The following FMN2 variants were observed in gnomAD, a reference collection of about 807,000 sequenced individuals.
FMN2 encodes formin 2.
Under a neutral mutation model 142.3 loss-of-function variants are expected in FMN2, and 51 were observed. The observed-to-expected ratio is 0.36, with a 90% confidence interval of 0.29 to 0.45. FMN2 has a LOEUF of 0.45. Ranked by LOEUF, FMN2 falls within the 20% of genes least tolerant of loss-of-function variation. The probability of loss-of-function intolerance (pLI) is 1.00; values close to 1 mark genes in which losing one functional copy is unlikely to be tolerated. For synonymous variants in FMN2, 882 were observed against 869.8 expected, an observed-to-expected ratio of 1.01 and a Z score of -0.25; for missense variants, 1,936 against 2,122.8, an observed-to-expected ratio of 0.91 and a Z score of 1.73.
intron 16 of FMN2, among the ~76,000 whole-genome samples, chr1:240,470,219 A>AC (rs1033537460): frequency 6.6e-6 from 1 of 151,874 alleles, no homozygotes. Flanking sequence ...AAAAAAAAAA[A>AC]AAAACAGTTT....
At chr1:240,397,029 C>T (rs1673802647) in intron 15 of FMN2, among the ~76,000 whole-genome samples, 1 of 152,194 alleles carries the variant, frequency 6.6e-6, no homozygotes. Context: ...TGAGAAATCT[C>T]CAAACTGCTT....
chr1:240,202,245 A>G (rs1666153458), intron 4 of FMN2, among the ~76,000 whole-genome samples: 1 of 152,166 alleles, frequency 6.6e-6, no homozygotes, highest in South Asian at 2.1e-4. Context: ...TCTACTTAAG[A>G]GATCTTTTTC....
At chr1:240,329,495 A>G (rs763337565) in intron 10 of FMN2, 27 bp downstream of exon 10, 6 of 1,606,650 alleles carry the variant, frequency 3.7e-6, no homozygotes, top group Non-Finnish European at 5.1e-6. Flanking sequence ...AGAGAGCTGA[A>G]CTTGAGTCTC....
intron 14 of FMN2, among the ~76,000 whole-genome samples, chr1:240,371,590 A>C (rs1040263172): frequency 6.6e-6 from 1 of 152,230 alleles, no homozygotes; most frequent in Non-Finnish European, 1.5e-5. Flanking sequence ...GTCCATTTGT[A>C]TAGTTACCTA....
chr1:240,094,281 A>G (rs930997692), intron 1 of FMN2, among the ~76,000 whole-genome samples: 4 of 152,192 alleles, frequency 2.6e-5, no homozygotes, highest in African/African-American at 9.7e-5. Context: ...TCCGCTGCTT[A>G]GTGAAGTTAA....
chr1:240,364,898 C>A (rs116444537), intron 14 of FMN2, among the ~76,000 whole-genome samples: 2,492 of 152,342 alleles, frequency 0.016, 60 homozygotes, highest in African/African-American at 0.056. Context: ...TGTTCTCTAA[C>A]ACTGTAAGTA....
intron 14 of FMN2, among the ~76,000 whole-genome samples, chr1:240,379,007 T>G (rs140862361): frequency 2.0e-5 from 3 of 152,372 alleles, no homozygotes; most frequent in Non-Finnish European, 4.4e-5. Flanking sequence ...AATTTTCTTA[T>G]TAAGTGCTAG....
chr1:240,246,064 C>T (rs2102876431), intron 6 of FMN2, among the ~76,000 whole-genome samples: 2 of 152,256 alleles, frequency 1.3e-5, no homozygotes, highest in South Asian at 4.1e-4. Context: ...CCTGTAGTCC[C>T]AGCTACTCGG....
intron 16 of FMN2, among the ~76,000 whole-genome samples, chr1:240,454,669 G>C (rs1315790081): frequency 6.6e-6 from 1 of 152,078 alleles, no homozygotes; most frequent in Non-Finnish European, 1.5e-5. Flanking sequence ...TACACATCTT[G>C]TTCTTCTTAG....
At position 240,392,338 on chromosome 1, in the gene FMN2, A is replaced by C. The variant is rs557194451; in HGVS notation, c.4859-173A>C. On this transcript the variant is annotated intron_variant, in intron 14 of 17. Coordinates refer to ENST00000319653, the MANE Select transcript of FMN2 (RefSeq NM_020066.5). ...AAGATCAACTTAATTAAAATTAAGT[A>C]GAATCATTTAAATCATGTATCTATG... Among the ~76,000 whole-genome samples, 10 of 152,306 alleles carry C rather than the reference A, an allele frequency of 6.6e-5. No individual in the cohort carries two copies. In the East Asian group the frequency reaches 1.3e-3, roughly 21 times the overall value.
At chr1:240,322,744 G>T (rs74151623) in intron 8 of FMN2, among the ~76,000 whole-genome samples, 1 of 152,152 alleles carries the variant, frequency 6.6e-6, no homozygotes, top group African/African-American at 2.4e-5. Context: ...GGAAAGCACT[G>T]TTGTTCCGTG....
At chr1:240,429,124 G>A (rs149266678) in intron 15 of FMN2, among the ~76,000 whole-genome samples, 1 of 152,190 alleles carries the variant, frequency 6.6e-6, no homozygotes, top group African/African-American at 2.4e-5. Flanking sequence ...TTAAATTTCA[G>A]ATTCTTTACT....
At chr1:240,416,645 G>T (rs1440881994) in intron 15 of FMN2, among the ~76,000 whole-genome samples, 6 of 151,852 alleles carry the variant, frequency 4.0e-5, no homozygotes, top group African/African-American at 1.5e-4. Flanking sequence ...TGATATTTAT[G>T]TTATTTAATC....
At chr1:240,171,410 G>A (rs1326144015) in intron 2 of FMN2, 12 of 489,554 alleles carry the variant, frequency 2.5e-5, no homozygotes, top group Non-Finnish European at 3.8e-5. Context: ...TGTGATGTGC[G>A]TCATTCATGA....
At chr1:240,138,306 G>A (rs938136892) in intron 2 of FMN2, among the ~76,000 whole-genome samples, 13 of 152,008 alleles carry the variant, frequency 8.6e-5, no homozygotes, top group Non-Finnish European at 1.3e-4. Context: ...TGGTTAGGAT[G>A]CTGGAAGACC....
rs56686860 is a variant in FMN2 at position 240,271,098 on chromosome 1, G to GTTTTTTTTTTTTTTTTTTTTTTTT, written c.4153+13085_4153+13086insTTTTTTTTTTTTTTTTTTTTTTTT. Among the ~76,000 whole-genome samples the GTTTTTTTTTTTTTTTTTTTTTTTT allele has an allele frequency of 2.0e-3, 142 of 72,188 alleles. 20 individuals carry two copies. Among genetic ancestry groups the GTTTTTTTTTTTTTTTTTTTTTTTT allele is most frequent in the Middle Eastern group, 0.011 (1 of 90 alleles). 47.4% of individuals were successfully genotyped at this position (72,188 alleles called of 152,430 possible). On this transcript the variant is annotated intron_variant, in intron 7 of 17. Transcript: ENST00000319653. ...ACCCCCCTAGGAACTTTCCACGATG[G>GTTTTTTTTTTTTTTTTTTTTTTTT]TTTTTTTTTTTTTTTTTTTGTGACT...
chr1:240,155,209 G>C (rs746022399), intron 2 of FMN2, among the ~76,000 whole-genome samples: 1 of 152,072 alleles, frequency 6.6e-6, no homozygotes, highest in Non-Finnish European at 1.5e-5. Flanking sequence ...TGCTTTCGAT[G>C]AAGATGATTT....
At chr1:240,232,127 T>C (rs987408880) in intron 6 of FMN2, among the ~76,000 whole-genome samples, 1 of 152,138 alleles carries the variant, frequency 6.6e-6, no homozygotes, top group African/African-American at 2.4e-5. Flanking sequence ...TGGAGTGCAA[T>C]GATGCGATCT....
chr1:240,185,825 A>C (rs918860742), intron 3 of FMN2, among the ~76,000 whole-genome samples: 4 of 152,156 alleles, frequency 2.6e-5, no homozygotes, highest in Non-Finnish European at 2.9e-5. Context: ...TCTTGAGTCT[A>C]TTGTGTTTGG....
Sources: gnomAD v4.1 joint callset for allele counts (sites outside exome capture counted in the v4.1 genomes callset) on GRCh38, gnomAD v4.1.1 for gene constraint, MANE v1.5 for transcripts, NCBI Gene and HGNC (gene_info 2026-07-23, HGNC 2026-07-21) for gene names.